Variants in FTO observed in about 807,000 individuals in gnomAD.
FTO encodes alpha-ketoglutarate-dependent dioxygenase FTO.
Under a neutral mutation model 63.9 loss-of-function variants are expected in FTO, and 47 were observed. The observed-to-expected ratio is 0.74, with a 90% confidence interval of 0.58 to 0.94. FTO has a LOEUF of 0.94. FTO is among the 40% of genes least tolerant of loss of function. FTO has a pLI of 0.00. For missense variants in FTO, 562 were observed against 618.1 expected (o/e 0.91, Z 0.96); for synonymous variants, 207 against 224.4 (o/e 0.92, Z 0.69).
At chr16:53,711,372 G>C (rs2075772072) in intron 1 of FTO, 1 of 398,366 alleles carries the variant, frequency 2.5e-6, no homozygotes, top group South Asian at 1.3e-4. Context: ...TAAGGAACCT[G>C]ATTAAGTGTC....
At chr16:53,847,898 C>G (rs921288341) in intron 4 of FTO, among the ~76,000 whole-genome samples, 4 of 151,822 alleles carry the variant, frequency 2.6e-5, no homozygotes, top group Non-Finnish European at 4.4e-5. Flanking sequence ...ACATGATAAA[C>G]AGAAGAAGTT....
chr16:53,771,459 T>G (rs992265573), intron 1 of FTO, among the ~76,000 whole-genome samples: 1 of 151,762 alleles, frequency 6.6e-6, no homozygotes, highest in Non-Finnish European at 1.5e-5. Flanking sequence ...TTTCTTCCTA[T>G]CTAGTCTCCT....
intron 8 of FTO, among the ~76,000 whole-genome samples, chr16:53,957,872 G>A (rs748960385): frequency 1.3e-5 from 2 of 152,178 alleles, no homozygotes; most frequent in Non-Finnish European, 2.9e-5. Flanking sequence ...TAGGCATTTA[G>A]AGACCACCTC....
chr16:54,032,043 C>T (rs901375402), intron 8 of FTO, among the ~76,000 whole-genome samples: 3 of 152,162 alleles, frequency 2.0e-5, no homozygotes, highest in Non-Finnish European at 4.4e-5. Flanking sequence ...TGGCTCCATT[C>T]TGGGAAGCCT....
chr16:53,819,666 T>C (rs1311723671), intron 2 of FTO, among the ~76,000 whole-genome samples: 1 of 152,238 alleles, frequency 6.6e-6, no homozygotes, highest in Non-Finnish European at 1.5e-5. Flanking sequence ...AATTTTCAGA[T>C]ATTCACATCT....
intron 8 of FTO, among the ~76,000 whole-genome samples, chr16:54,034,552 G>A (rs1361803936): frequency 6.6e-6 from 1 of 152,122 alleles, no homozygotes; most frequent in East Asian, 1.9e-4. Context: ...GTGTGTCCTG[G>A]AACCTGTTTA....
At chr16:53,989,989 G>T (rs1019900431) in intron 8 of FTO, among the ~76,000 whole-genome samples, 1 of 151,946 alleles carries the variant, frequency 6.6e-6, no homozygotes, top group Non-Finnish European at 1.5e-5. Context: ...TTACTTTATT[G>T]TAAGAATACA....
At chr16:54,094,913 C>T (rs1397276734) in intron 8 of FTO, among the ~76,000 whole-genome samples, 1 of 152,166 alleles carries the variant, frequency 6.6e-6, no homozygotes. Flanking sequence ...TTAAAACCCT[C>T]CGGCGGTTCC....
At chr16:53,725,418 C>T (rs529735928) in intron 1 of FTO, among the ~76,000 whole-genome samples, 1 of 152,318 alleles carries the variant, frequency 6.6e-6, no homozygotes, top group South Asian at 2.1e-4. Context: ...ATTTGGTCAG[C>T]TATCCAAATA....
At chr16:54,085,625 G>A (rs1045344683) in intron 8 of FTO, among the ~76,000 whole-genome samples, 8 of 151,768 alleles carry the variant, frequency 5.3e-5, no homozygotes, top group Non-Finnish European at 1.0e-4. Context: ...GATATCAAAA[G>A]AAAAGGTGAC....
At chr16:53,915,760 A>G (rs1242972218) in intron 7 of FTO, among the ~76,000 whole-genome samples, 3 of 152,202 alleles carry the variant, frequency 2.0e-5, no homozygotes, top group Non-Finnish European at 4.4e-5. Flanking sequence ...CATGGAGACA[A>G]TTTCAGCGTG....
intron 8 of FTO, among the ~76,000 whole-genome samples, chr16:54,108,922 A>G (rs1316192531): frequency 6.6e-6 from 1 of 152,182 alleles, no homozygotes; most frequent in African/African-American, 2.4e-5. Context: ...AAGATCCAAG[A>G]AGGAAGAATG....
At chr16:53,820,299 G>A (rs1188891082) in intron 2 of FTO, among the ~76,000 whole-genome samples, 4 of 151,994 alleles carry the variant, frequency 2.6e-5, no homozygotes, top group Non-Finnish European at 5.9e-5. Flanking sequence ...GTAAGCCACC[G>A]CTCCAGGCCA....
intron 7 of FTO, among the ~76,000 whole-genome samples, chr16:53,903,460 T>A (rs1007879853): frequency 1.3e-5 from 2 of 152,146 alleles, no homozygotes; most frequent in African/African-American, 4.8e-5. Flanking sequence ...GGTTTTGTTA[T>A]GTTGGCTAGA....
chr16:53,853,682 C>T (rs1473021670), intron 4 of FTO, among the ~76,000 whole-genome samples: 2 of 152,118 alleles, frequency 1.3e-5, no homozygotes, highest in Non-Finnish European at 2.9e-5. Flanking sequence ...AGTAGTATTT[C>T]ATGGTATATA....
In FTO at chr16:53,810,356, A is replaced by G. The variant is rs1035432522; in HGVS notation, c.123+139A>G. The G allele has an allele frequency of 3.5e-5, 24 of 679,936 alleles. No homozygotes were observed. In the African/African-American group the frequency reaches 4.0e-4, roughly 11 times the overall value. 42.1% of individuals were successfully genotyped at this position (679,936 alleles called of 1,614,324 possible). On this transcript the variant is annotated intron_variant, in intron 2 of 8. Coordinates refer to ENST00000471389, the MANE Select transcript of FTO (RefSeq NM_001080432.3). ...GATCACCCATGACTTCTCATGGCCT[A>G]CAGAGCATGTACATTTCTTCAGAAT...
chr16:54,120,765 G>A lies in FTO; in HGVS notation c.*8850G>A, dbSNP rs1454022740. On this transcript the variant is annotated 3_prime_UTR_variant, in exon 9 of 9. Coordinates refer to ENST00000471389, the MANE Select transcript of FTO (RefSeq NM_001080432.3). ...GGTTCCAGGTCACTTACAAGAACAG[G>A]AACAGCCCCTCCCTCCAAATTTGAG... 1.3e-5 allele frequency: 2 copies of A among 152,088 alleles called. No individual in the cohort carries two copies. The highest frequency in any genetic ancestry group is 1.3e-4 in the Admixed American group (2 of 15,276). The allele number at this position is 152,088 out of a possible 1,614,324, so 9.4% of individuals were successfully genotyped here. A position where few individuals can be genotyped will look rare whatever the true frequency, so the allele number is the denominator to read the frequency against.
rs1164509044 is a variant in FTO, at chr16:53,892,698, A to C, written c.1239+3747A>C. 2.0e-5 allele frequency among the ~76,000 whole-genome samples: 3 copies of C among 152,184 alleles called. No homozygotes were observed. The South Asian group carries it at 6.2e-4, about 32-fold the overall frequency. On this transcript the variant is annotated intron_variant, in intron 7 of 8. Transcript: ENST00000471389. ...ATCTCTTTTGCTGAGAAAATAAAAA[A>C]CCTCAGGGAATATGTGCATTACTTT...
intron 2 of FTO, among the ~76,000 whole-genome samples, chr16:53,815,636 GTTTTTTTTTTTTTTTT>G (rs556357629): frequency 0.55 from 54,128 of 98,712 alleles, 12,869 homozygotes; most frequent in Middle Eastern, 0.71. Context: ...TGACTTTCTT[GTTTTTTTTTTTTTTTT>G]TTTTTTTTTT....
Sources: allele counts gnomAD v4.1 joint callset (sites outside exome capture counted in the v4.1 genomes callset), GRCh38; gene constraint gnomAD v4.1.1; transcripts MANE v1.5; gene names NCBI Gene and HGNC (gene_info 2026-07-23, HGNC 2026-07-21).